MGA: variants seen among roughly 807,000 people sequenced by gnomAD.
MGA encodes the protein MAX dimerization protein MGA, also known as MAX gene-associated protein.
In MGA, 40 loss-of-function variants were observed where a neutral mutation model predicts 261.1. That is an observed-to-expected ratio of 0.15 (90% CI 0.12 to 0.20). The LOEUF (loss-of-function observed/expected upper bound fraction) is 0.20. Ranked by LOEUF, MGA falls within the 10% of genes least tolerant of loss-of-function variation. The probability of loss-of-function intolerance (pLI) is 1.00; values close to 1 mark genes in which losing one functional copy is unlikely to be tolerated. For missense variants in MGA, 3,397 were observed against 3,630.5 expected (o/e 0.94, Z 1.65); for synonymous variants, 1,302 against 1,290.6 (o/e 1.01, Z -0.19).
In MGA at chr15:41,767,376, G is replaced by C; in HGVS notation, c.*96G>C. 1.5e-6 allele frequency: 2 copies of C among 1,312,920 alleles called. No homozygotes were observed. Among genetic ancestry groups the C allele is most frequent in the Non-Finnish European group, 2.1e-6 (2 of 956,274 alleles). The allele number at this position is 1,312,920 out of a possible 1,614,324, so 81.3% of individuals were successfully genotyped here. A position where few individuals can be genotyped will look rare whatever the true frequency, so the allele number is the denominator to read the frequency against. On this transcript the variant is annotated 3_prime_UTR_variant, in exon 24 of 24. Coordinates refer to ENST00000219905, the MANE Select transcript of MGA (RefSeq NM_001164273.2). ...CTGTTTGTTTGTGTCTTAGAACTTG[G>C]ATCCTTGACTTCAATGATGCAGTGG... is the stretch of plus-strand genomic sequence containing the variant.
intron 2 of MGA, among the ~76,000 whole-genome samples, chr15:41,677,992 C>G (rs970075564): frequency 1.3e-5 from 2 of 152,208 alleles, no homozygotes; most frequent in African/African-American, 2.4e-5. Context: ...GCTTAAGAAA[C>G]CATTGCCAAA....
intron 2 of MGA, among the ~76,000 whole-genome samples, chr15:41,680,826 TA>T (rs2058630026): frequency 1.3e-5 from 2 of 152,174 alleles, no homozygotes; most frequent in African/African-American, 2.4e-5. Context: ...GTTCATTACA[TA>T]GGGGTAATTG....
chr15:41,711,396 A>G (rs1332238185), intron 8 of MGA, 47 bp downstream of exon 8: 1 of 1,516,484 alleles, frequency 6.6e-7, no homozygotes, highest in African/African-American at 1.4e-5. Context: ...TTGGCTAGAA[A>G]GAGCGAGGTT....
intron 2 of MGA, among the ~76,000 whole-genome samples, chr15:41,692,595 G>T (rs563197581): frequency 1.3e-5 from 2 of 152,282 alleles, no homozygotes; most frequent in South Asian, 4.2e-4. Flanking sequence ...TATGTCTAGA[G>T]GTCTTCAGTA....
At chr15:41,706,036 A>G (rs2060093165) in intron 5 of MGA, among the ~76,000 whole-genome samples, 1 of 152,056 alleles carries the variant, frequency 6.6e-6, no homozygotes, top group Admixed American at 6.6e-5. Context: ...CAGGATTTCG[A>G]GAGCAGCCTG....
intron 9 of MGA, among the ~76,000 whole-genome samples, chr15:41,724,964 T>G (rs1397671279): frequency 1.3e-5 from 2 of 152,242 alleles, no homozygotes; most frequent in Admixed American, 1.3e-4. Context: ...GGTAGCAGCT[T>G]AGATTCTGCT....
At position 41,700,774 on chromosome 15, in the gene MGA, A is replaced by G. The variant is rs758779315; in HGVS notation, c.2188+1615A>G. On this transcript the variant is annotated intron_variant, in intron 5 of 23. Coordinates refer to ENST00000219905, the MANE Select transcript of MGA (RefSeq NM_001164273.2). ...CCCCAATTTTTAGTTTCTTACGACT[A>G]TCTTTGATTTTAGATAGGCATCTTG... 4.0e-4 allele frequency among the ~76,000 whole-genome samples: 61 copies of G among 152,294 alleles called. 1 individual carries two copies. The highest frequency in any genetic ancestry group is 9.2e-4 in the Admixed American group (14 of 15,292).
chr15:41,722,728 T>G lies in MGA; in HGVS notation c.3431-4452T>G, dbSNP rs73407239. On this transcript the variant is annotated intron_variant, in intron 9 of 23. Coordinates refer to ENST00000219905, the MANE Select transcript of MGA (RefSeq NM_001164273.2). The stretch of plus-strand genomic sequence containing the variant: ...AAATCAGAGGAAGAGGAGCATGGTG[T>G]GTTAGTGTGCTGTATTAGCATGGCA... 7.4e-3 allele frequency among the ~76,000 whole-genome samples: 1,122 copies of G among 152,252 alleles called. 18 individuals are homozygous for G. The highest frequency in any genetic ancestry group is 0.026 in the African/African-American group (1,081 of 41,550).
chr15:41,667,281 C>G (rs1595624469), intron 1 of MGA, among the ~76,000 whole-genome samples: 1 of 151,996 alleles, frequency 6.6e-6, no homozygotes, highest in East Asian at 1.9e-4. Context: ...GAGTCTCGCT[C>G]TGTCACCCAG....
At chr15:41,665,448 A>G (rs1434806421) in intron 1 of MGA, among the ~76,000 whole-genome samples, 1 of 151,402 alleles carries the variant, frequency 6.6e-6, no homozygotes, top group Non-Finnish European at 1.5e-5. Context: ...GTGCAGTGGC[A>G]CCATCACAGC....
intron 20 of MGA, among the ~76,000 whole-genome samples, chr15:41,760,998 C>T (rs1422967658): frequency 6.6e-6 from 1 of 152,092 alleles, no homozygotes; most frequent in South Asian, 2.1e-4. Flanking sequence ...CTTGAACTCC[C>T]GACCTCCAGT....
At chr15:41,692,588 G>C (rs2059342296) in intron 2 of MGA, among the ~76,000 whole-genome samples, 1 of 152,188 alleles carries the variant, frequency 6.6e-6, no homozygotes, top group African/African-American at 2.4e-5. Flanking sequence ...GCTTATTTAT[G>C]TCTAGAGGTC....
chr15:41,730,623 T>A (rs1202386505), intron 11 of MGA, among the ~76,000 whole-genome samples: 3 of 152,222 alleles, frequency 2.0e-5, no homozygotes, highest in African/African-American at 7.2e-5. Flanking sequence ...AAAAATGCCC[T>A]TCTATCTCAA....
intron 7 of MGA, 22 bp downstream of exon 7, chr15:41,708,230 T>C (rs781291473): frequency 6.7e-7 from 1 of 1,488,602 alleles, no homozygotes. Context: ...TTTAAAATTT[T>C]TTAAATGTTC....
intron 2 of MGA, among the ~76,000 whole-genome samples, chr15:41,677,336 T>G (rs1205699340): frequency 6.6e-6 from 1 of 152,204 alleles, no homozygotes; most frequent in Non-Finnish European, 1.5e-5. Flanking sequence ...GAGGTGGGGT[T>G]TCGCCATGTT....
intron 1 of MGA, among the ~76,000 whole-genome samples, chr15:41,647,665 C>T (rs1285414295): frequency 6.6e-6 from 1 of 152,046 alleles, no homozygotes; most frequent in Non-Finnish European, 1.5e-5. Context: ...GACCATAACC[C>T]TCTGAAATAT....
chr15:41,750,685 T>C, intron 17 of MGA, 70 bp downstream of exon 17: 1 of 1,400,376 alleles, frequency 7.1e-7, no homozygotes, highest in Non-Finnish European at 9.5e-7. Flanking sequence ...CAGAAGCTTT[T>C]TCAGAAGAGC....
At chr15:41,697,057 A>G (rs771480359) in intron 3 of MGA, 34 bp downstream of exon 3, 1 of 1,434,040 alleles carries the variant, frequency 7.0e-7, no homozygotes, top group African/African-American at 1.4e-5. Context: ...CTTTAAGGCT[A>G]ATTAGTCATA....
chr15:41,749,111 G>C lies in MGA; in HGVS notation c.5504G>C (p.Gly1835Ala). ...ATTTCTCTCTTATTTTTTAAACCAG[G>C]GTCTGTGATGGGAATCCGGTTACCT... The change falls in exon 17 of 24, where the codon GGG becomes GCG. Residue 1835 changes from glycine to alanine, a missense_variant and splice_region_variant. Gly to Ala is a moderately conservative substitution (Grantham distance 60, BLOSUM62 0). Around this residue, in one of 9 missense-constraint regions of MGA, gnomAD observed 1,410 missense variants for 1,386.4 expected, o/e 1.02. Transcript: ENST00000219905. 1 of 1,605,690 alleles carries C rather than the reference G, an allele frequency of 6.2e-7. No individual in the cohort carries two copies. The highest frequency in any genetic ancestry group is 2.2e-5 in the East Asian group (1 of 44,760).
Sources: allele counts gnomAD v4.1 joint callset (sites outside exome capture counted in the v4.1 genomes callset), GRCh38; gene constraint gnomAD v4.1.1; regional missense constraint gnomAD v4.1.1; transcripts MANE v1.5; gene names NCBI Gene and HGNC (gene_info 2026-07-23, HGNC 2026-07-21).